AP2B1: variants seen among roughly 807,000 people sequenced by gnomAD.
AP2B1 encodes AP-2 complex subunit beta.
Under a neutral mutation model 102.0 loss-of-function variants are expected in AP2B1, and 23 were observed. That is an observed-to-expected ratio of 0.23 (90% CI 0.16 to 0.32). The LOEUF (loss-of-function observed/expected upper bound fraction) is 0.32, where lower values mean the gene tolerates loss of function less well. Ranked by LOEUF, AP2B1 falls within the 10% of genes least tolerant of loss-of-function variation. The pLI, the probability that AP2B1 is intolerant of heterozygous loss-of-function variation, is 1.00. For missense variants in AP2B1, 541 were observed against 1,157.4 expected (o/e 0.47, Z 7.73); for synonymous variants, 381 against 421.2 (o/e 0.90, Z 1.17).
At chr17:35,640,240 T>TAA (rs372590594) in intron 11 of AP2B1, among the ~76,000 whole-genome samples, 7 of 138,008 alleles carry the variant, frequency 5.1e-5, no homozygotes, top group South Asian at 2.4e-4. Context: ...TTTTTTTTTT[T>TAA]TTTTTTTTTT....
At chr17:35,702,460 G>A (rs144509933) in intron 18 of AP2B1, among the ~76,000 whole-genome samples, 1 of 152,130 alleles carries the variant, frequency 6.6e-6, no homozygotes, top group Admixed American at 6.6e-5. Context: ...TCCTGCAGCT[G>A]GATTAGAGCT....
rs1337943875 is a variant in AP2B1 at position 35,674,587 on chromosome 17, C to T, written c.2324+266C>T. Among the ~76,000 whole-genome samples, 8 of 152,162 alleles carry T rather than the reference C, an allele frequency of 5.3e-5. No individual in the cohort carries two copies. The East Asian group carries it at 1.5e-3, about 29-fold the overall frequency. ...GAGCATGGTGGCAGGTACCTGTAAT[C>T]CCAGCTACTCAGGAGGCTGAAGCAG... On this transcript the variant is annotated intron_variant, in intron 17 of 21. Transcript: ENST00000610402.
intron 3 of AP2B1, chr17:35,601,113 C>CT: frequency 6.5e-6 from 4 of 610,854 alleles, no homozygotes; most frequent in Non-Finnish European, 6.1e-6. Context: ...CTTTGCTTAG[C>CT]AGGCAAAGAG....
intron 18 of AP2B1, among the ~76,000 whole-genome samples, chr17:35,685,573 G>A (rs995683569): frequency 3.9e-5 from 6 of 152,164 alleles, no homozygotes; most frequent in Non-Finnish European, 8.8e-5. Context: ...ATGAAATTTT[G>A]AATTCCATGT....
intron 17 of AP2B1, among the ~76,000 whole-genome samples, chr17:35,677,419 C>T (rs1376440744): frequency 1.3e-5 from 2 of 152,034 alleles, no homozygotes; most frequent in Non-Finnish European, 2.9e-5. Flanking sequence ...AAATATAAGC[C>T]TTATAGTTTT....
chr17:35,717,447 T>C, intron 21 of AP2B1, 98 bp downstream of exon 21: 2 of 1,371,574 alleles, frequency 1.5e-6, no homozygotes, highest in Non-Finnish European at 2.0e-6. Context: ...GAGGAGGTGC[T>C]TTAAACCTGA....
At chr17:35,686,310 CAG>C (rs1376472129) in intron 18 of AP2B1, among the ~76,000 whole-genome samples, 1 of 152,224 alleles carries the variant, frequency 6.6e-6, no homozygotes, top group African/African-American at 2.4e-5. Context: ...TTAAATACAG[CAG>C]AAACCTTAAT....
At chr17:35,714,249 G>T (rs587748362) in intron 20 of AP2B1, among the ~76,000 whole-genome samples, 4 of 152,270 alleles carry the variant, frequency 2.6e-5, no homozygotes, top group South Asian at 4.2e-4. Flanking sequence ...TTCAAAAATG[G>T]AAACACTCTT....
At chr17:35,621,386 C>T in intron 5 of AP2B1, 1 of 965,526 alleles carries the variant, frequency 1.0e-6, no homozygotes, top group Non-Finnish European at 1.2e-6. Context: ...CAGTATGTTG[C>T]TAAAAATGTA....
chr17:35,666,636 A>G (rs185722467), intron 14 of AP2B1, among the ~76,000 whole-genome samples: 398 of 152,326 alleles, frequency 2.6e-3, no homozygotes, highest in Non-Finnish European at 4.5e-3. Context: ...GGACACCTCC[A>G]AGAGACACTT....
chr17:35,606,324 C>G (rs2073674191), intron 4 of AP2B1, among the ~76,000 whole-genome samples: 1 of 151,952 alleles, frequency 6.6e-6, no homozygotes, highest in Non-Finnish European at 1.5e-5. Context: ...ACTGCAACCT[C>G]TGCCTCCCAG....
At chr17:35,595,411 G>A (rs2073235499) in intron 2 of AP2B1, among the ~76,000 whole-genome samples, 1 of 152,102 alleles carries the variant, frequency 6.6e-6, no homozygotes, top group African/African-American at 2.4e-5. Flanking sequence ...GCCCTGTACG[G>A]TGGTGCACAC....
In AP2B1 at chr17:35,670,999, C is replaced by T; in HGVS notation, c.2031+101C>T. 17 of 1,238,656 alleles carry T rather than the reference C, an allele frequency of 1.4e-5. No individual in the cohort carries two copies. The South Asian group carries it at 2.1e-4, about 15-fold the overall frequency. The allele number at this position is 1,238,656 out of a possible 1,614,324, so 76.7% of individuals were successfully genotyped here. On this transcript the variant is annotated intron_variant, in intron 15 of 21. Coordinates refer to ENST00000610402, the MANE Select transcript of AP2B1 (RefSeq NM_001030006.2). Reference sequence around the variant, plus strand: ...GACCAGCCACTGCTGCTGTCTAGCACTGCACACCAAAACCTCTATAACAGT... The same window carrying T: ...GACCAGCCACTGCTGCTGTCTAGCATTGCACACCAAAACCTCTATAACAGT...
intron 18 of AP2B1, among the ~76,000 whole-genome samples, chr17:35,707,353 A>G (rs1014192482): frequency 1.3e-5 from 2 of 151,152 alleles, no homozygotes; most frequent in Non-Finnish European, 2.9e-5. Flanking sequence ...GGGTTTCACC[A>G]TGTTGGCCAG....
At chr17:35,650,418 T>C (rs1006973731) in intron 12 of AP2B1, 112 bp from the exon 13 acceptor site, 2 of 1,277,600 alleles carry the variant, frequency 1.6e-6, no homozygotes, top group Admixed American at 2.1e-5. Flanking sequence ...ATCTTCTTAA[T>C]ACCCAGTCTG....
intron 9 of AP2B1, among the ~76,000 whole-genome samples, chr17:35,629,037 C>T (rs2074392468): frequency 6.6e-6 from 1 of 151,866 alleles, no homozygotes; most frequent in African/African-American, 2.4e-5. Context: ...CAACCTCTGC[C>T]TCCCGGGCTC....
At chr17:35,700,309 T>G (rs1178973023) in intron 18 of AP2B1, among the ~76,000 whole-genome samples, 1 of 151,704 alleles carries the variant, frequency 6.6e-6, no homozygotes, top group Non-Finnish European at 1.5e-5. Flanking sequence ...GTTGACTAGG[T>G]TGTGTGGTAC....
At chr17:35,608,032 T>C in intron 4 of AP2B1, 110 bp from the exon 5 acceptor site, 1 of 1,309,410 alleles carries the variant, frequency 7.6e-7, no homozygotes, top group Non-Finnish European at 1.1e-6. Context: ...ATGTAGAATG[T>C]ATCTGGAAGC....
At chr17:35,590,565 A>G (rs959004136) in intron 1 of AP2B1, among the ~76,000 whole-genome samples, 4 of 152,182 alleles carry the variant, frequency 2.6e-5, no homozygotes, top group South Asian at 4.1e-4. Context: ...CTCTGCCAAT[A>G]TGGTTAGGGA....
Sources: allele counts gnomAD v4.1 joint callset (sites outside exome capture counted in the v4.1 genomes callset), GRCh38; gene constraint gnomAD v4.1.1; transcripts MANE v1.5; gene names NCBI Gene and HGNC (gene_info 2026-07-23, HGNC 2026-07-21).